ACAN: variants seen among roughly 807,000 people sequenced by gnomAD.
The protein encoded by ACAN is aggrecan.
A neutral mutation model predicts 169.1 loss-of-function variants in ACAN; 47 were observed. The observed-to-expected ratio is 0.28, with a 90% CI of 0.22 to 0.35. The LOEUF (loss-of-function observed/expected upper bound fraction) is 0.35, where lower values mean the gene tolerates loss of function less well. ACAN is among the 10% of genes least tolerant of loss of function. ACAN has a pLI of 1.00. For synonymous variants in ACAN, 1,115 were observed against 1,112.2 expected (o/e 1.00, Z -0.05); for missense variants, 2,716 against 2,759.9 (o/e 0.98, Z 0.36).
In ACAN at chr15:88,871,425, C is replaced by T; in HGVS notation, c.7104C>T (p.His2368=). The T allele has an allele frequency of 6.2e-7, 1 of 1,613,986 alleles. No individual in the cohort carries two copies. Among genetic ancestry groups the T allele is most frequent in the Non-Finnish European group, 8.5e-7 (1 of 1,179,900 alleles). The change falls in exon 15 of 19, where the codon CAC becomes CAT. Residue 2368 remains histidine, a synonymous_variant. Transcript: ENST00000560601. This position sits in a 1 kb window ranked among gnomAD's most constrained non-coding sequence, Gnocchi z 7.8. The stretch of plus-strand genomic sequence containing the variant: ...AGGGCTGGAACAAGTACCAGGGCCA[C>T]TGTTACCGCCACTTCCCGGACCGCG... The part of the protein sequence containing the change: ...CEEGWNKYQG[H]CYRHFPDRET...
chr15:88,858,939 G>A lies in ACAN; in HGVS notation c.6354G>A (p.Glu2118=). 1 of 1,611,280 alleles carries A rather than the reference G, an allele frequency of 6.2e-7. No homozygotes were observed. The highest frequency in any genetic ancestry group is 8.5e-7 in the Non-Finnish European group (1 of 1,177,768). Residue 2118 remains glutamate, a synonymous_variant, in exon 12 of 19, where the codon GAG becomes GAA. Coordinates refer to ENST00000560601, the MANE Select transcript of ACAN (RefSeq NM_001369268.1). This position sits in a 1 kb window ranked among gnomAD's most constrained non-coding sequence, Gnocchi z 4.0. ...EAGFGASAAP[E]ASREDSGSPD... is the part of the protein sequence containing the mutation. The stretch of plus-strand genomic sequence containing the variant: ...GGTTCGGGGCATCTGCCGCCCCTGA[G>A]GCCAGCAGAGAAGATTCTGGGTCCC...
rs1030483644 is a variant in ACAN, at chr15:88,814,597, A to G, written c.-8+10788A>G. Among the ~76,000 whole-genome samples the G allele has an allele frequency of 2.0e-5, 3 of 152,164 alleles. No individual in the cohort carries two copies. The highest frequency in any genetic ancestry group is 2.9e-5 in the Non-Finnish European group (2 of 68,028). Reference sequence around the variant, plus strand: ...TTCTGCTGTACACAGGGCTCCCACAATGCATCACTCCAGAGGGCGCCATTC... The same window carrying G: ...TTCTGCTGTACACAGGGCTCCCACAGTGCATCACTCCAGAGGGCGCCATTC... On this transcript the variant is annotated intron_variant, in intron 1 of 18. Coordinates refer to ENST00000560601, the MANE Select transcript of ACAN (RefSeq NM_001369268.1). This position sits in a 1 kb window ranked among gnomAD's most constrained non-coding sequence, Gnocchi z 4.0.
Position 88,869,253 on chromosome 15 carries a change from C to T in ACAN, c.7060+924C>T, listed in dbSNP as rs75028889. On this transcript the variant is annotated intron_variant, in intron 14 of 18. Coordinates refer to ENST00000560601, the MANE Select transcript of ACAN (RefSeq NM_001369268.1). This position sits in a 1 kb window ranked among gnomAD's most constrained non-coding sequence, Gnocchi z 4.2. The stretch of plus-strand genomic sequence containing the variant: ...AGACAGAACTGGAAGTGTGTAGGGG[C>T]TTAAAATCCTTTTCAATGAACTCTC... Among the ~76,000 whole-genome samples, 2,168 of 152,238 alleles carry T rather than the reference C, an allele frequency of 0.014. 55 individuals are homozygous for T. Among genetic ancestry groups the T allele is most frequent in the African/African-American group, 0.05 (2,067 of 41,522 alleles).
At chr15:88,812,299 C>T (rs551062967) in intron 1 of ACAN, among the ~76,000 whole-genome samples, 10 of 152,242 alleles carry the variant, frequency 6.6e-5, no homozygotes, top group African/African-American at 2.4e-4. Flanking sequence ...GGACTCCCAC[C>T]CCCTCCTAAG....
At chr15:88,820,119 A>G (rs1436139038) in intron 1 of ACAN, among the ~76,000 whole-genome samples, 1 of 152,202 alleles carries the variant, frequency 6.6e-6, no homozygotes, top group Admixed American at 6.5e-5. Context: ...GCTGGGCACC[A>G]TGCTGGCATG....
Position 88,859,242 on chromosome 15 carries a change from G to T in ACAN, c.6657G>T (p.Glu2219Asp). Residue 2219 changes from glutamate to aspartate, a missense_variant, in exon 12 of 19, where the codon GAG (glutamate) becomes GAT (aspartate). By Grantham distance (45) the Glu-to-Asp change is conservative (BLOSUM62 2). Transcript: ENST00000560601. ...LGVVISTSIP[E>D]SEWTQQTQRP... is the part of the protein sequence containing the mutation. ...TTGTCATCAGCACCAGCATCCCAGAGTCTGAGTGGACCCAGCAGACCCAGC... is the reference window on the plus strand; with the variant it reads ...TTGTCATCAGCACCAGCATCCCAGATTCTGAGTGGACCCAGCAGACCCAGC... 6.2e-7 allele frequency: 1 copy of T among 1,613,922 alleles called. No individual in the cohort carries two copies. Among genetic ancestry groups the T allele is most frequent in the Non-Finnish European group, 8.5e-7 (1 of 1,179,886 alleles).
chr15:88,819,953 TCTGGCTCTACCA>T (rs1328916415), intron 1 of ACAN, among the ~76,000 whole-genome samples: 1 of 152,068 alleles, frequency 6.6e-6, no homozygotes, highest in East Asian at 1.9e-4. Context: ...GGGTTTGAAT[TCTGGCTCTACCA>T]CTCACTGGCT....
rs755726559 is a variant in ACAN at position 88,849,987 on chromosome 15, C to T, written c.2026+256C>T. Reference sequence around the variant, plus strand: ...GTATTTATGTCTACTAGAAATGAAGCAGACCTGAATTTGAGTTATGGCTCT... The same window carrying T: ...GTATTTATGTCTACTAGAAATGAAGTAGACCTGAATTTGAGTTATGGCTCT... On this transcript the variant is annotated intron_variant, in intron 10 of 18. Coordinates refer to ENST00000560601, the MANE Select transcript of ACAN (RefSeq NM_001369268.1). This position sits in a 1 kb window ranked among gnomAD's most constrained non-coding sequence, Gnocchi z 5.1. 1 of 619,550 alleles carries T rather than the reference C, an allele frequency of 1.6e-6. No homozygotes were observed. Among genetic ancestry groups the T allele is most frequent in the African/African-American group, 1.8e-5 (1 of 54,474 alleles). The allele number at this position is 619,550 out of a possible 1,614,324, so 38.4% of individuals were successfully genotyped here.
rs758311816 is a variant in ACAN, at chr15:88,847,935, C to A, written c.1629C>A (p.Thr543=). ...TVRYPIVSPR[T]PCVGDKDSSP... is the part of the protein sequence containing the mutation. The stretch of plus-strand genomic sequence containing the variant: ...GATACCCCATTGTGAGCCCCCGGAC[C>A]CCATGCGTGGGTGACAAGGACAGCA... Residue 543 remains threonine, a synonymous_variant, in exon 9 of 19, where the codon ACC becomes ACA. Transcript: ENST00000560601. The A allele has an allele frequency of 6.2e-7, 1 of 1,613,902 alleles. No homozygotes were observed. The highest frequency in any genetic ancestry group is 8.5e-7 in the Non-Finnish European group (1 of 1,179,814).
rs763071292 is a variant in ACAN at position 88,847,902 on chromosome 15, C to T, written c.1605-9C>T. 6 of 1,613,396 alleles carry T rather than the reference C, an allele frequency of 3.7e-6. No homozygotes were observed. The highest frequency in any genetic ancestry group is 1.1e-5 in the South Asian group (1 of 90,996). On this transcript the variant is annotated splice_polypyrimidine_tract_variant and intron_variant, in intron 8 of 18. Coordinates refer to ENST00000560601, the MANE Select transcript of ACAN (RefSeq NM_001369268.1). ...GGCCTTCATCTTCTCCTCCCACTCT[C>T]CTTTGCAGATACCCCATTGTGAGCC...
At chr15:88,822,671 T>C (rs941114791) in intron 1 of ACAN, among the ~76,000 whole-genome samples, 4 of 152,036 alleles carry the variant, frequency 2.6e-5, no homozygotes, top group Non-Finnish European at 5.9e-5. Context: ...TGACCTCAGG[T>C]GATCTGCCCG....
intron 1 of ACAN, among the ~76,000 whole-genome samples, chr15:88,825,780 C>T (rs1412880209): frequency 6.6e-6 from 1 of 152,188 alleles, no homozygotes; most frequent in Non-Finnish European, 1.5e-5. Context: ...TAAACCCCAG[C>T]CTGCTCCTTC....
chr15:88,811,009 G>A (rs1183956704), intron 1 of ACAN, among the ~76,000 whole-genome samples: 1 of 152,200 alleles, frequency 6.6e-6, no homozygotes, highest in African/African-American at 2.4e-5. Context: ...TCCTTTAGGG[G>A]AGTGAGAAGG....
At chr15:88,834,885 G>C (rs1275412557) in intron 1 of ACAN, among the ~76,000 whole-genome samples, 1 of 152,204 alleles carries the variant, frequency 6.6e-6, no homozygotes, top group African/African-American at 2.4e-5. Flanking sequence ...GAGGTTGAGA[G>C]CACTGCTCTG....
Position 88,845,853 on chromosome 15 carries a change from C to T in ACAN, c.1400C>T (p.Ala467Val). ...TSEDLVVQVTAVPGQPHLPGG... is the reference protein window; with the variant it reads ...TSEDLVVQVTVVPGQPHLPGG... ...GAGGACCTCGTCGTGCAGGTGACCG[C>T]TGTCCCTGGGCAGCCGCATTTGCCA... The change falls in exon 7 of 19, where the codon GCT (alanine) becomes GTT (valine). Residue 467 changes from alanine (A) to valine (V), a missense_variant. By Grantham distance (64) the Ala-to-Val change is moderately conservative. Coordinates refer to ENST00000560601, the MANE Select transcript of ACAN (RefSeq NM_001369268.1). The T allele has an allele frequency of 6.8e-7, 1 of 1,471,828 alleles. No individual in the cohort carries two copies. The highest frequency in any genetic ancestry group is 1.4e-5 in the South Asian group (1 of 69,900). 91.2% of individuals were successfully genotyped at this position (1,471,828 alleles called of 1,614,324 possible). A position where few individuals can be genotyped will look rare whatever the true frequency, so the allele number is the denominator to read the frequency against.
At position 88,843,899 on chromosome 15, in the gene ACAN, A is replaced by G. The variant is rs1176364834; in HGVS notation, c.1051+251A>G. On this transcript the variant is annotated intron_variant, in intron 6 of 18. Transcript: ENST00000560601. This position sits in a 1 kb window ranked among gnomAD's most constrained non-coding sequence, Gnocchi z 4.0. Reference sequence around the variant, plus strand: ...GCACAGACGAGGCTTAAAAACCTCCAAACTGTTTTCTCCAGTTTGAATCAA... The same window carrying G: ...GCACAGACGAGGCTTAAAAACCTCCGAACTGTTTTCTCCAGTTTGAATCAA... Among the ~76,000 whole-genome samples the G allele has an allele frequency of 2.0e-5, 3 of 152,134 alleles. No individual in the cohort carries two copies. The highest frequency in any genetic ancestry group is 2.9e-5 in the Non-Finnish European group (2 of 68,030).
In ACAN at chr15:88,848,043, A is replaced by G. The variant is rs1193055246; in HGVS notation, c.1732+5A>G. 1.2e-6 allele frequency: 2 copies of G among 1,612,994 alleles called. No homozygotes were observed. The highest frequency in any genetic ancestry group is 1.1e-5 in the South Asian group (1 of 90,934). ...GCTTTGTAGACAGACTTGAGGGTAC[A>G]AGCCACATTCTCACATTTCGGGCCC... On this transcript the variant is annotated splice_donor_5th_base_variant and intron_variant, in intron 9 of 18. Transcript: ENST00000560601.
In ACAN at chr15:88,856,996, C is replaced by T. The variant is rs376237216; in HGVS notation, c.4411C>T (p.Pro1471Ser). 1 of 1,613,460 alleles carries T rather than the reference C, an allele frequency of 6.2e-7. No homozygotes were observed. The highest frequency in any genetic ancestry group is 1.3e-5 in the African/African-American group (1 of 75,034). The change falls in exon 12 of 19, where the codon CCT becomes TCT. Residue 1471 changes from proline (P) to serine (S), a missense_variant. Pro to Ser is a moderately conservative substitution (Grantham distance 74). Coordinates refer to ENST00000560601, the MANE Select transcript of ACAN (RefSeq NM_001369268.1). ...TSAVGDLSGL[P>S]SGGEVLEISV... ...TGCGGTAGGGGACCTCAGTGGACTT[C>T]CTTCTGGAGGAGAAGTTCTAGAGAT...
intron 1 of ACAN, among the ~76,000 whole-genome samples, chr15:88,806,955 C>G (rs1895697756): frequency 6.6e-6 from 1 of 151,900 alleles, no homozygotes; most frequent in South Asian, 2.1e-4. Flanking sequence ...ATTTTGAAGC[C>G]CTCTATAAGG....
Sources: gnomAD v4.1 joint callset for allele counts (sites outside exome capture counted in the v4.1 genomes callset) on GRCh38, gnomAD v4.1.1 for gene constraint, Gnocchi (gnomAD v3.1) non-coding constraint, MANE v1.5 for transcripts, NCBI Gene and HGNC (gene_info 2026-07-23, HGNC 2026-07-21) for gene names.